SYNE1: variants seen among roughly 807,000 people sequenced by gnomAD.
SYNE1 encodes nesprin-1.
Under a neutral mutation model 1,111.0 loss-of-function variants are expected in SYNE1, and 616 were observed. That is an observed-to-expected ratio of 0.55 (90% CI 0.52 to 0.59). The LOEUF (loss-of-function observed/expected upper bound fraction) is 0.59, where lower values mean the gene tolerates loss of function less well. SYNE1 is among the 20% of genes least tolerant of loss of function. The pLI is 0.00. For missense variants in SYNE1, 10,006 were observed against 10,417.0 expected (o/e 0.96, Z 1.72); for synonymous variants, 3,855 against 3,825.8 (o/e 1.01, Z -0.28).
intron 3 of SYNE1, among the ~76,000 whole-genome samples, chr6:152,570,019 T>C (rs2099440254): frequency 6.6e-6 from 1 of 152,226 alleles, no homozygotes; most frequent in African/African-American, 2.4e-5. Context: ...TAGTTTACAA[T>C]TTAGTTTCTG....
Position 152,188,595 on chromosome 6 carries a change from T to C in SYNE1, c.23301+657A>G, listed in dbSNP as rs556984455. 4.6e-5 allele frequency among the ~76,000 whole-genome samples: 7 copies of C among 152,268 alleles called. No homozygotes were observed. In the South Asian group the frequency reaches 1.5e-3, roughly 32 times the overall value. Reference sequence around the variant, plus strand: ...ATGTTGCAAATACAACAGTAGTTTTTCACGTTTCAAGTATATCTACCCAGC... The same window carrying C: ...ATGTTGCAAATACAACAGTAGTTTTCCACGTTTCAAGTATATCTACCCAGC... On this transcript the variant is annotated intron_variant, in intron 128 of 145. Coordinates refer to ENST00000367255, the MANE Select transcript of SYNE1 (RefSeq NM_182961.4).
chr6:152,469,497 A>G (rs1335957762), intron 16 of SYNE1, among the ~76,000 whole-genome samples: 1 of 152,080 alleles, frequency 6.6e-6, no homozygotes, highest in Non-Finnish European at 1.5e-5. Context: ...ATGCTGCCTC[A>G]TATATAACTA....
intron 130 of SYNE1, among the ~76,000 whole-genome samples, chr6:152,172,153 C>T (rs2065371899): frequency 6.6e-6 from 1 of 152,010 alleles, no homozygotes; most frequent in Non-Finnish European, 1.5e-5. Context: ...TTAGTAGTTT[C>T]CCAGGGCTGG....
intron 135 of SYNE1, among the ~76,000 whole-genome samples, 154 bp downstream of exon 135, chr6:152,151,399 A>AT (rs371775741): frequency 1.3e-5 from 2 of 152,030 alleles, no homozygotes; most frequent in African/African-American, 4.8e-5. Flanking sequence ...TCTTTATCTG[A>AT]TTTTTTATAT....
intron 10 of SYNE1, among the ~76,000 whole-genome samples, 155 bp downstream of exon 10, chr6:152,502,478 C>T (rs779900354): frequency 3.4e-4 from 51 of 152,144 alleles, no homozygotes; most frequent in Non-Finnish European, 7.1e-4. Flanking sequence ...AAACCCTTTC[C>T]TCTAATCATC....
chr6:152,171,335 G>A (rs368968388), intron 130 of SYNE1, among the ~76,000 whole-genome samples: 28 of 152,346 alleles, frequency 1.8e-4, no homozygotes, highest in African/African-American at 3.8e-4. Flanking sequence ...ATTTGTGTGC[G>A]TACGTTTTCC....
rs1404604562 is a variant in SYNE1 at position 152,236,667 on chromosome 6, A to G, written c.20199+150T>C. ...GAAAGACTTTTAATAATGTCCAACTATAAATAACAGAAACATTATCTCCTT... is the reference window on the plus strand; with the variant it reads ...GAAAGACTTTTAATAATGTCCAACTGTAAATAACAGAAACATTATCTCCTT... On this transcript the variant is annotated intron_variant, in intron 109 of 145. Coordinates refer to ENST00000367255, the MANE Select transcript of SYNE1 (RefSeq NM_182961.4). 9 of 1,082,074 alleles carry G rather than the reference A, an allele frequency of 8.3e-6. No homozygotes were observed. In the East Asian group the frequency reaches 2.3e-4, roughly 28 times the overall value. The allele number at this position is 1,082,074 out of a possible 1,614,324, so 67.0% of individuals were successfully genotyped here.
chr6:152,190,993 A>AT (rs372817836), intron 127 of SYNE1, among the ~76,000 whole-genome samples: 179 of 151,950 alleles, frequency 1.2e-3, no homozygotes, highest in African/African-American at 4.1e-3. Context: ...GAAAGGTTGA[A>AT]TTTTATCAAA....
At chr6:152,449,097 T>C (rs1299985232) in intron 28 of SYNE1, among the ~76,000 whole-genome samples, 1 of 152,168 alleles carries the variant, frequency 6.6e-6, no homozygotes, top group Non-Finnish European at 1.5e-5. Context: ...GAGGCTGAAA[T>C]GAACCAATCC....
At chr6:152,337,992 C>T (rs2096442836) in intron 75 of SYNE1, among the ~76,000 whole-genome samples, 1 of 151,856 alleles carries the variant, frequency 6.6e-6, no homozygotes, top group South Asian at 2.1e-4. Context: ...TACTAAAATA[C>T]CAAAAAGTAG....
chr6:152,460,673 G>C (rs2098726536), intron 21 of SYNE1, among the ~76,000 whole-genome samples: 1 of 151,772 alleles, frequency 6.6e-6, no homozygotes, highest in Non-Finnish European at 1.5e-5. Flanking sequence ...TATTTGGATA[G>C]ATAACAAATC....
chr6:152,520,712 G>T (rs924618267), intron 5 of SYNE1, among the ~76,000 whole-genome samples, 170 bp from the exon 6 acceptor site: 2 of 152,094 alleles, frequency 1.3e-5, no homozygotes, highest in East Asian at 1.9e-4. Flanking sequence ...GTTCCCCATG[G>T]CACTCTGAAG....
intron 3 of SYNE1, among the ~76,000 whole-genome samples, chr6:152,606,974 TTC>T (rs1437338749): frequency 5.5e-4 from 66 of 119,008 alleles, no homozygotes; most frequent in South Asian, 8.8e-4. Flanking sequence ...CATGCCTCGG[TTC>T]TCTTTTTTTT....
At chr6:152,602,065 C>T (rs1484411538) in intron 3 of SYNE1, among the ~76,000 whole-genome samples, 1 of 152,066 alleles carries the variant, frequency 6.6e-6, no homozygotes, top group Non-Finnish European at 1.5e-5. Flanking sequence ...TCTGTACTCT[C>T]CTCTCTGCCT....
At chr6:152,143,943 CA>C in intron 137 of SYNE1, 178 bp from the exon 138 acceptor site, 2 of 864,976 alleles carry the variant, frequency 2.3e-6, no homozygotes, top group South Asian at 3.1e-5. Flanking sequence ...TTAAAATGGC[CA>C]AACCAATGAA....
Position 152,421,515 on chromosome 6 carries a change from T to A in SYNE1, c.5268-1793A>T, listed in dbSNP as rs888491780. Among the ~76,000 whole-genome samples the A allele has an allele frequency of 3.3e-5, 5 of 151,742 alleles. No individual in the cohort carries two copies. The East Asian group carries it at 9.6e-4, about 29-fold the overall frequency. ...GGCTGAAGAGAGAAAAATTATGTTT[T>A]AAAAAAAACTACAGTATGTATGTTA... On this transcript the variant is annotated intron_variant, in intron 39 of 145. Transcript: ENST00000367255.
At position 152,213,643 on chromosome 6, in the gene SYNE1, T is replaced by C. The variant is rs1461661693; in HGVS notation, c.22463A>G (p.Gln7488Arg). Residue 7488 changes from glutamine (Q) to arginine (R), a missense_variant, in exon 123 of 146, where the codon CAG becomes CGG. By Grantham distance (43) the Gln-to-Arg change is conservative. Coordinates refer to ENST00000367255, the MANE Select transcript of SYNE1 (RefSeq NM_182961.4). ...KLAVEISGNYQHLLEQQRAHE... is the reference protein window; with the variant it reads ...KLAVEISGNYRHLLEQQRAHE... The stretch of plus-strand genomic sequence containing the variant: ...TGCTCTCTGCTGTTCCAAAAGGTGC[T>C]GATAATTTCCTGAAATCTCTACTGC... 1 of 1,614,034 alleles carries C rather than the reference T, an allele frequency of 6.2e-7. No homozygotes were observed. Among genetic ancestry groups the C allele is most frequent in the Non-Finnish European group, 8.5e-7 (1 of 1,180,012 alleles).
intron 28 of SYNE1, among the ~76,000 whole-genome samples, chr6:152,447,837 GCT>G (rs2098605628): frequency 1.3e-5 from 2 of 152,180 alleles, no homozygotes; most frequent in Non-Finnish European, 2.9e-5. Context: ...TCTTGAATCA[GCT>G]TCATAATTAG....
Position 152,540,063 on chromosome 6 carries a change from A to G in SYNE1, c.68-42T>C, listed in dbSNP as rs756662797. 3.8e-6 allele frequency: 6 copies of G among 1,586,162 alleles called. No homozygotes were observed. In the Admixed American group the frequency reaches 5.0e-5, roughly 13 times the overall value. On this transcript the variant is annotated intron_variant, in intron 3 of 145. Coordinates refer to ENST00000367255, the MANE Select transcript of SYNE1 (RefSeq NM_182961.4). ...ATCTGGTTAAATAATGTAATATTTC[A>G]TGAAGCTGTATAATGAGAAAAAGTC...
Sources: allele counts gnomAD v4.1 joint callset (sites outside exome capture counted in the v4.1 genomes callset), GRCh38; gene constraint gnomAD v4.1.1; transcripts MANE v1.5; gene names NCBI Gene and HGNC (gene_info 2026-07-23, HGNC 2026-07-21).